The following FMN1 variants were observed in gnomAD, a reference collection of about 807,000 sequenced individuals.
FMN1 encodes the protein formin-1.
Under a neutral mutation model 132.4 loss-of-function variants are expected in FMN1, and 110 were observed. That is an observed-to-expected ratio of 0.83 (90% CI 0.71 to 0.97). The LOEUF (loss-of-function observed/expected upper bound fraction) is 0.97, where lower values mean the gene tolerates loss of function less well. Ranked by LOEUF, FMN1 falls within the 50% of genes least tolerant of loss-of-function variation. The pLI is 0.00. For missense variants in FMN1, 1,792 were observed against 1,705.3 expected (o/e 1.05, Z -0.90); for synonymous variants, 722 against 651.7 (o/e 1.11, Z -1.64).
intron 6 of FMN1, among the ~76,000 whole-genome samples, chr15:33,055,936 A>G (rs567491604): frequency 1.3e-5 from 2 of 151,034 alleles, no homozygotes; most frequent in East Asian, 3.9e-4. Context: ...TAAGTGACTC[A>G]GACAGGCACC....
intron 16 of FMN1, among the ~76,000 whole-genome samples, chr15:32,880,691 G>A (rs1477137729): frequency 6.6e-5 from 10 of 152,148 alleles, no homozygotes; most frequent in Admixed American, 6.5e-4. Context: ...TTGACTAATA[G>A]TTTGGTGGAT....
At chr15:33,043,070 G>A (rs28489655) in intron 6 of FMN1, among the ~76,000 whole-genome samples, 41,150 of 152,062 alleles carry the variant, frequency 0.27, 5,774 homozygotes, top group Non-Finnish European at 0.31. Context: ...ACAATGGTGC[G>A]AAAATGGTAG....
chr15:33,121,616 C>T (rs1962566278), intron 4 of FMN1, among the ~76,000 whole-genome samples: 1 of 152,184 alleles, frequency 6.6e-6, no homozygotes, highest in African/African-American at 2.4e-5. Context: ...GCAACCTCCA[C>T]CTCCCGGGTT....
At chr15:33,163,261 C>G (rs1047027005) in intron 3 of FMN1, among the ~76,000 whole-genome samples, 1 of 151,630 alleles carries the variant, frequency 6.6e-6, no homozygotes, top group Admixed American at 6.6e-5. Flanking sequence ...ATAACCTGTA[C>G]CGGTATTTGC....
At chr15:32,871,620 C>T (rs1008518375) in intron 16 of FMN1, among the ~76,000 whole-genome samples, 11 of 151,338 alleles carry the variant, frequency 7.3e-5, no homozygotes, top group Admixed American at 2.6e-4. Flanking sequence ...AGGAAATGAC[C>T]TAAAGATACA....
At chr15:33,050,273 G>GA (rs1448930633) in intron 6 of FMN1, among the ~76,000 whole-genome samples, 1 of 152,146 alleles carries the variant, frequency 6.6e-6, no homozygotes, top group East Asian at 1.9e-4. Context: ...CTTTAGGTTG[G>GA]AAAATGCTTC....
At chr15:33,032,517 ACTC>A (rs1435354448) in intron 6 of FMN1, among the ~76,000 whole-genome samples, 1 of 152,146 alleles carries the variant, frequency 6.6e-6, no homozygotes, top group African/African-American at 2.4e-5. Flanking sequence ...AACTACAGAT[ACTC>A]CTCAACTTAC....
chr15:33,110,276 G>A (rs745745852), intron 4 of FMN1, among the ~76,000 whole-genome samples: 6 of 151,930 alleles, frequency 3.9e-5, no homozygotes, highest in Non-Finnish European at 7.4e-5. Context: ...TATTCTCTTT[G>A]CAGAATTGTT....
chr15:32,969,262 G>C lies in FMN1; in HGVS notation c.2439C>G (p.Leu813=). The C allele has an allele frequency of 6.2e-7, 1 of 1,613,946 alleles. No homozygotes were observed. The highest frequency in any genetic ancestry group is 8.5e-7 in the Non-Finnish European group (1 of 1,179,902). The change falls in exon 8 of 21, where the codon CTC becomes CTG. Residue 813 remains leucine (L), a synonymous_variant. Coordinates refer to ENST00000616417, the MANE Select transcript of FMN1 (RefSeq NM_001277313.2). ...VCVQTDRETF[L]KPCESESKTT... ...TCTTGCTTTCACTTTCACAGGGCTT[G>C]AGGAAGGTCTCTCTGTCTGTCTGGA...
At chr15:32,944,302 T>C (rs1596320776) in intron 9 of FMN1, among the ~76,000 whole-genome samples, 1 of 152,214 alleles carries the variant, frequency 6.6e-6, no homozygotes, top group Non-Finnish European at 1.5e-5. Context: ...GCTGGTTGGC[T>C]GGCTGTGTAG....
At chr15:33,045,980 T>G (rs1019490032) in intron 6 of FMN1, among the ~76,000 whole-genome samples, 2 of 152,242 alleles carry the variant, frequency 1.3e-5, no homozygotes, top group African/African-American at 4.8e-5. Flanking sequence ...CTGATTTTCT[T>G]GATCTGGCAT....
chr15:32,879,110 G>T (rs1044601245), intron 16 of FMN1, among the ~76,000 whole-genome samples: 1 of 152,138 alleles, frequency 6.6e-6, no homozygotes, highest in African/African-American at 2.4e-5. Context: ...TCAATTAATT[G>T]AATGCTTTGC....
At chr15:33,123,609 T>C (rs1962771695) in intron 4 of FMN1, among the ~76,000 whole-genome samples, 1 of 152,162 alleles carries the variant, frequency 6.6e-6, no homozygotes, top group African/African-American at 2.4e-5. Context: ...GTACAGGTTA[T>C]ATAGTGAGGG....
intron 17 of FMN1, among the ~76,000 whole-genome samples, chr15:32,814,138 C>G (rs2057979392): frequency 6.6e-6 from 1 of 152,164 alleles, no homozygotes; most frequent in Non-Finnish European, 1.5e-5. Flanking sequence ...CAGGTGGTCA[C>G]ATTCTCAAAC....
At chr15:32,958,244 T>C (rs145644396) in intron 9 of FMN1, among the ~76,000 whole-genome samples, 1 of 152,316 alleles carries the variant, frequency 6.6e-6, no homozygotes, top group African/African-American at 2.4e-5. Context: ...GTTGATGTTT[T>C]TAATAATGGC....
chr15:33,107,600 A>G (rs2039535953), intron 4 of FMN1, among the ~76,000 whole-genome samples: 1 of 152,076 alleles, frequency 6.6e-6, no homozygotes, highest in African/African-American at 2.4e-5. Flanking sequence ...TTCTTGGCTA[A>G]GATGTTCCCC....
At chr15:32,983,215 T>G (rs1277654167) in intron 7 of FMN1, among the ~76,000 whole-genome samples, 1 of 152,152 alleles carries the variant, frequency 6.6e-6, no homozygotes, top group East Asian at 1.9e-4. Context: ...GCCAACAATA[T>G]GGATGAGTCT....
intron 9 of FMN1, among the ~76,000 whole-genome samples, chr15:32,936,173 T>G (rs758138216): frequency 2.0e-5 from 3 of 152,228 alleles, no homozygotes; most frequent in Non-Finnish European, 2.9e-5. Context: ...TTTATGACAT[T>G]TATTTTGAAT....
intron 9 of FMN1, among the ~76,000 whole-genome samples, chr15:32,963,375 T>C (rs1474237398): frequency 6.6e-6 from 1 of 151,172 alleles, no homozygotes; most frequent in Non-Finnish European, 1.5e-5. Flanking sequence ...GGGAAAGCAC[T>C]GGGAGATATA....
Sources: gnomAD v4.1 joint callset for allele counts (sites outside exome capture counted in the v4.1 genomes callset) on GRCh38, gnomAD v4.1.1 for gene constraint, MANE v1.5 for transcripts, NCBI Gene and HGNC (gene_info 2026-07-23, HGNC 2026-07-21) for gene names.